Variants in PLEKHG1 observed in about 807,000 individuals in gnomAD.
The protein encoded by PLEKHG1 is pleckstrin homology domain-containing family G member 1.
Under a neutral mutation model 100.8 loss-of-function variants are expected in PLEKHG1, and 44 were observed. The observed-to-expected ratio is 0.44, with a 90% confidence interval of 0.34 to 0.56. The LOEUF is 0.56. PLEKHG1 is among the 20% of genes least tolerant of loss of function. The pLI is 0.01. For missense variants in PLEKHG1, 1,545 were observed against 1,720.9 expected, an observed-to-expected ratio of 0.90 and a Z score of 1.81; for synonymous variants, 640 against 662.5, an observed-to-expected ratio of 0.97 and a Z score of 0.52.
intron 6 of PLEKHG1, 134 bp downstream of exon 7, chr6:150,801,003 T>A: frequency 1.4e-6 from 1 of 702,736 alleles, no homozygotes; most frequent in Non-Finnish European, 2.4e-6. Context: ...CACAACTGAC[T>A]AATCTGCTTT....
intron 10 of PLEKHG1, among the ~76,000 whole-genome samples, chr6:150,810,439 A>G (rs1327727786): frequency 6.6e-6 from 1 of 150,756 alleles, no homozygotes; most frequent in Non-Finnish European, 1.5e-5. Flanking sequence ...TTGTATTTTT[A>G]GTAGAGACAG....
At chr6:150,753,696 G>A (rs1275773926) in intron 2 of PLEKHG1, among the ~76,000 whole-genome samples, 1 of 152,204 alleles carries the variant, frequency 6.6e-6, no homozygotes, top group African/African-American at 2.4e-5. Flanking sequence ...AGCGTTTCTT[G>A]TGCAAAGCGG....
intron 1 of PLEKHG1, among the ~76,000 whole-genome samples, chr6:150,628,616 GATTAAGT>G (rs1163023681): frequency 1.5e-5 from 2 of 137,438 alleles, no homozygotes; most frequent in Admixed American, 1.6e-4. Context: ...TCTATATCTG[GATTAAGT>G]ATTAACTTGA....
chr6:150,785,382 AT>A (rs1785563987), intron 3 of PLEKHG1, among the ~76,000 whole-genome samples: 1 of 152,206 alleles, frequency 6.6e-6, no homozygotes, highest in Non-Finnish European at 1.5e-5. Context: ...GTGGAGTGCA[AT>A]TTAGAAATGT....
chr6:150,747,961 G>A (rs1345725727), intron 2 of PLEKHG1, among the ~76,000 whole-genome samples: 5 of 151,356 alleles, frequency 3.3e-5, no homozygotes, highest in Non-Finnish European at 7.4e-5. Context: ...CATTCACATT[G>A]TTGTACAACC....
intron 3 of PLEKHG1, among the ~76,000 whole-genome samples, chr6:150,696,974 G>A (rs902400352): frequency 1.3e-5 from 2 of 152,080 alleles, no homozygotes; most frequent in African/African-American, 2.4e-5. Flanking sequence ...GCATACGCCT[G>A]TAGTCCCAGC....
intron 3 of PLEKHG1, among the ~76,000 whole-genome samples, chr6:150,778,493 A>G (rs974540076): frequency 6.6e-6 from 1 of 152,162 alleles, no homozygotes; most frequent in Non-Finnish European, 1.5e-5. Context: ...ACCTCCTCAG[A>G]GAACCTTCCC....
chr6:150,829,339 T>C (rs1028635127), intron 14 of PLEKHG1, among the ~76,000 whole-genome samples: 4 of 152,170 alleles, frequency 2.6e-5, no homozygotes, highest in African/African-American at 7.2e-5. Context: ...TTTGGCTGGG[T>C]GCAGTGGCTC....
chr6:150,605,748 A>T (rs1014365997), intron 1 of PLEKHG1: 9 of 152,206 alleles, frequency 5.9e-5, no homozygotes, highest in African/African-American at 2.2e-4. Context: ...GATATCTTTG[A>T]AATATTTCAA....
At chr6:150,745,134 T>A (rs1783087931) in intron 2 of PLEKHG1, among the ~76,000 whole-genome samples, 1 of 152,214 alleles carries the variant, frequency 6.6e-6, no homozygotes, top group Non-Finnish European at 1.5e-5. Context: ...ACCTAGATTG[T>A]ACAGCCTACC....
chr6:150,627,292 T>C (rs1052334419), intron 1 of PLEKHG1, among the ~76,000 whole-genome samples: 22 of 152,228 alleles, frequency 1.4e-4, no homozygotes, highest in Non-Finnish European at 2.9e-4. Context: ...CAAAATCTAT[T>C]CTTAAAATAT....
At chr6:150,819,024 C>T (rs1010645394) in intron 11 of PLEKHG1, among the ~76,000 whole-genome samples, 1 of 152,150 alleles carries the variant, frequency 6.6e-6, no homozygotes, top group Admixed American at 6.5e-5. Flanking sequence ...TCGCATCCAA[C>T]AGACCCGAGA....
chr6:150,835,395 C>T (rs1399146876), intron 15 of PLEKHG1, among the ~76,000 whole-genome samples: 6 of 152,090 alleles, frequency 3.9e-5, no homozygotes, highest in Non-Finnish European at 8.8e-5. Context: ...GCATCTCGAG[C>T]AACATCAGAA....
chr6:150,783,473 G>A (rs1237985284), intron 3 of PLEKHG1, among the ~76,000 whole-genome samples: 1 of 151,704 alleles, frequency 6.6e-6, no homozygotes, highest in Non-Finnish European at 1.5e-5. Context: ...AGGCTCAAGT[G>A]ATTCTCCTGC....
At chr6:150,823,737 C>G in intron 14 of PLEKHG1, 61 bp downstream of exon 15, 3 of 1,186,644 alleles carry the variant, frequency 2.5e-6, no homozygotes, top group Non-Finnish European at 3.7e-6. Flanking sequence ...CATAGGTGTC[C>G]CTTCCCCATC....
intron 1 of PLEKHG1, among the ~76,000 whole-genome samples, chr6:150,622,146 G>A (rs1460260059): frequency 6.6e-6 from 1 of 152,140 alleles, no homozygotes; most frequent in Non-Finnish European, 1.5e-5. Context: ...AGCTGAATGA[G>A]CCTATCATGC....
Position 150,683,820 on chromosome 6 carries a change from G to T in PLEKHG1, c.-99+33034G>T, listed in dbSNP as rs1239265548. The T allele has an allele frequency of 3.9e-6, 5 of 1,288,590 alleles. No homozygotes were observed. Among genetic ancestry groups the T allele is most frequent in the Non-Finnish European group, 5.1e-6 (5 of 988,582 alleles). 79.8% of individuals were successfully genotyped at this position (1,288,590 alleles called of 1,614,324 possible). ...GGAAACTGCTGCCTGGACAAATCGT[G>T]TTCTGGGCCAAAGCATCACAGGCGA... On this transcript the variant is annotated intron_variant, in intron 3 of 3. Transcript: ENST00000367326. This position sits in a 1 kb window ranked among gnomAD's most constrained non-coding sequence, Gnocchi z 4.0.
At chr6:150,656,234 T>C (rs956661171) in intron 3 of PLEKHG1, among the ~76,000 whole-genome samples, 1 of 152,100 alleles carries the variant, frequency 6.6e-6, no homozygotes, top group Non-Finnish European at 1.5e-5. Flanking sequence ...GTGAAGAATC[T>C]GAGGGGGTCC....
chr6:150,824,923 T>G (rs1193975224), intron 14 of PLEKHG1, among the ~76,000 whole-genome samples: 2 of 152,168 alleles, frequency 1.3e-5, no homozygotes, highest in Non-Finnish European at 2.9e-5. Flanking sequence ...CGTGTGAAAC[T>G]TATTAATTGG....
Sources: gnomAD v4.1 joint callset for allele counts (sites outside exome capture counted in the v4.1 genomes callset) on GRCh38, gnomAD v4.1.1 for gene constraint, Gnocchi (gnomAD v3.1) non-coding constraint, MANE v1.5 for transcripts, NCBI Gene and HGNC (gene_info 2026-07-23, HGNC 2026-07-21) for gene names.